Variants in FUT8 observed in about 807,000 individuals in gnomAD.
FUT8 encodes the protein alpha-(1,6)-fucosyltransferase.
FUT8 carries 29 observed loss-of-function variants against 71.3 expected under a neutral mutation model. That is an observed-to-expected ratio of 0.41 (90% CI 0.30 to 0.55). FUT8 has a LOEUF of 0.55. Among genes scored for constraint, FUT8 ranks in the 20% least tolerant of loss-of-function variants. The pLI is 0.34. For synonymous variants in FUT8, 254 were observed against 239.3 expected (o/e 1.06, Z -0.57); for missense variants, 544 against 702.1 (o/e 0.77, Z 2.55).
At chr14:65,570,169 T>C (rs1886395110) in intron 3 of FUT8, among the ~76,000 whole-genome samples, 1 of 152,064 alleles carries the variant, frequency 6.6e-6, no homozygotes, top group African/African-American at 2.4e-5. Context: ...TTAAAATTAC[T>C]GTCTAGCCTT....
upstream of FUT8, among the ~76,000 whole-genome samples, chr14:65,406,137 C>T (rs1385060741): frequency 2.0e-5 from 3 of 152,198 alleles, no homozygotes; most frequent in Non-Finnish European, 4.4e-5. Flanking sequence ...CAGGATCTAT[C>T]CTAATGCATA....
At chr14:65,667,713 C>T (rs933489278) in intron 6 of FUT8, among the ~76,000 whole-genome samples, 1 of 152,058 alleles carries the variant, frequency 6.6e-6, no homozygotes, top group African/African-American at 2.4e-5. Flanking sequence ...CCTGAATAGC[C>T]AAAGCCATCC....
At chr14:65,646,485 C>G (rs773696924) in intron 6 of FUT8, 1 of 152,162 alleles carries the variant, frequency 6.6e-6, no homozygotes, top group African/African-American at 2.4e-5. Context: ...AAAGTGCTAA[C>G]CTCTGACTAG....
At chr14:65,538,314 C>T (rs541477909) in intron 2 of FUT8, among the ~76,000 whole-genome samples, 151 of 152,318 alleles carry the variant, frequency 9.9e-4, no homozygotes, top group Middle Eastern at 6.8e-3. Context: ...TCACCCTCTC[C>T]GCTGGAGTTG....
intron 7 of FUT8, among the ~76,000 whole-genome samples, chr14:65,686,659 T>C (rs1463287045): frequency 6.6e-6 from 1 of 152,088 alleles, no homozygotes; most frequent in East Asian, 1.9e-4. Context: ...GGAGAGGAGG[T>C]TGATTGTCAG....
chr14:65,674,623 C>T (rs1892622656), intron 7 of FUT8, among the ~76,000 whole-genome samples: 1 of 152,164 alleles, frequency 6.6e-6, no homozygotes, highest in South Asian at 2.1e-4. Flanking sequence ...TTAATAAACC[C>T]ACAATTTAAT....
At chr14:65,681,874 C>G (rs1030625851) in intron 7 of FUT8, among the ~76,000 whole-genome samples, 1 of 152,168 alleles carries the variant, frequency 6.6e-6, no homozygotes, top group Non-Finnish European at 1.5e-5. Context: ...GCCGCTGATA[C>G]AGAAACCCAG....
intron 7 of FUT8, among the ~76,000 whole-genome samples, chr14:65,703,312 C>G (rs569812340): frequency 6.1e-4 from 93 of 152,318 alleles, no homozygotes; most frequent in African/African-American, 1.8e-3. Flanking sequence ...TCCCTCCTCC[C>G]ACTTGCATGC....
intron 7 of FUT8, among the ~76,000 whole-genome samples, chr14:65,687,695 C>G (rs896417295): frequency 6.6e-6 from 1 of 151,916 alleles, no homozygotes; most frequent in Non-Finnish European, 1.5e-5. Flanking sequence ...TATATACCCC[C>G]CACTCCCCCT....
the FUT8 span, among the ~76,000 whole-genome samples, chr14:65,402,171 G>A: frequency 6.8e-6 from 1 of 147,856 alleles, no homozygotes; most frequent in East Asian, 2.0e-4. Context: ...ATATGTGAGT[G>A]TAGGAGCCCA....
the FUT8 span, among the ~76,000 whole-genome samples, chr14:65,398,436 T>TA: frequency 6.6e-6 from 1 of 152,024 alleles, no homozygotes; most frequent in Non-Finnish European, 1.5e-5. Context: ...CTCTGCCTAT[T>TA]AAAAAAAATT....
At chr14:65,589,250 T>G (rs1887552276) in intron 3 of FUT8, among the ~76,000 whole-genome samples, 1 of 152,132 alleles carries the variant, frequency 6.6e-6, no homozygotes, top group Admixed American at 6.5e-5. Flanking sequence ...AACTTCTCTT[T>G]TAAATGTCAA....
intron 2 of FUT8, chr14:65,468,422 T>C: frequency 2.5e-6 from 1 of 399,500 alleles, no homozygotes; most frequent in Admixed American, 3.5e-5. Flanking sequence ...ACTAAATATT[T>C]CACTTCACTC....
chr14:65,734,665 T>C lies in FUT8; in HGVS notation c.1410+1284T>C, dbSNP rs188454763. On this transcript the variant is annotated intron_variant, in intron 10 of 10. Transcript: ENST00000673929. ...ACTACTTGGTTCCTTGCAACTGTTT[T>C]TGAGAGTCTGACTATGCATCTGCCT... 1.9e-4 allele frequency among the ~76,000 whole-genome samples: 29 copies of C among 152,316 alleles called. No individual in the cohort carries two copies. The East Asian group carries it at 5.4e-3, about 28-fold the overall frequency.
chr14:65,417,956 C>G (rs1453021777), intron 1 of FUT8, among the ~76,000 whole-genome samples: 1 of 152,118 alleles, frequency 6.6e-6, no homozygotes, highest in Non-Finnish European at 1.5e-5. Context: ...CTTGAAAGAT[C>G]TTGTCACAGC....
In FUT8 at chr14:65,736,455, C is replaced by T. The variant is rs190277815; in HGVS notation, c.1410+3074C>T. Among the ~76,000 whole-genome samples the T allele has an allele frequency of 3.3e-4, 50 of 151,366 alleles. No individual in the cohort carries two copies. The South Asian group carries it at 6.5e-3, about 20-fold the overall frequency. On this transcript the variant is annotated intron_variant, in intron 10 of 10. Transcript: ENST00000673929. ...GTGGTTACGGGTAATGCTTAGGGTC[C>T]GTAAAGAAGAGGAACTGTTAACATT...
chr14:65,534,310 T>A (rs913045532), intron 2 of FUT8, among the ~76,000 whole-genome samples: 11 of 151,560 alleles, frequency 7.3e-5, no homozygotes, highest in African/African-American at 2.2e-4. Flanking sequence ...ATTTTATTTT[T>A]TATTTTATTT....
At chr14:65,495,292 A>G (rs2066542333) in intron 2 of FUT8, among the ~76,000 whole-genome samples, 1 of 152,002 alleles carries the variant, frequency 6.6e-6, no homozygotes, top group Admixed American at 6.6e-5. Context: ...GTGAAAAGTT[A>G]GGTAATTGAG....
rs140204017 is a variant in FUT8 at position 65,558,167 on chromosome 14, C to A, written c.-227-3170C>A. 1.2e-3 allele frequency among the ~76,000 whole-genome samples: 185 copies of A among 151,828 alleles called. 3 individuals are homozygous for A. The East Asian group carries it at 0.032, about 26-fold the overall frequency. ...CCAACATGGTGAAATCCCATCTCTA[C>A]TAAAAATATAAAAAATGAGCCGGGC... On this transcript the variant is annotated intron_variant, in intron 2 of 10. Transcript: ENST00000673929.
Sources: gnomAD v4.1 joint callset for allele counts (sites outside exome capture counted in the v4.1 genomes callset) on GRCh38, gnomAD v4.1.1 for gene constraint, MANE v1.5 for transcripts, NCBI Gene and HGNC (gene_info 2026-07-23, HGNC 2026-07-21) for gene names.